Variants in NFIB observed in about 807,000 individuals in gnomAD.
NFIB encodes the protein nuclear factor 1 B-type.
NFIB carries 11 observed loss-of-function variants against 61.5 expected under a neutral mutation model. The ratio of observed to expected loss-of-function variants is 0.18; its 90% CI spans 0.11 to 0.30. The LOEUF is 0.30. NFIB is among the 10% of genes least tolerant of loss of function. The pLI is 1.00. For synonymous variants in NFIB, 260 were observed against 216.5 expected (o/e 1.20, Z -1.76); for missense variants, 471 against 608.9 (o/e 0.77, Z 2.38).
intron 1 of NFIB, among the ~76,000 whole-genome samples, chr9:14,392,362 G>A (rs1475777013): frequency 6.6e-6 from 1 of 152,228 alleles, no homozygotes; most frequent in Non-Finnish European, 1.5e-5. Context: ...CAGGACAACA[G>A]AGTGGAGGGT....
chr9:14,302,598 G>A (rs1462943623), intron 2 of NFIB, among the ~76,000 whole-genome samples: 3 of 152,138 alleles, frequency 2.0e-5, no homozygotes, highest in Non-Finnish European at 4.4e-5. Flanking sequence ...AAATCAGTTA[G>A]GGTGACTCAT....
chr9:14,093,835 A>G (rs1347884347), intron 10 of NFIB, among the ~76,000 whole-genome samples: 1 of 152,112 alleles, frequency 6.6e-6, no homozygotes, highest in Non-Finnish European at 1.5e-5. Context: ...TGTGAAAAAA[A>G]TGCTCGCTCA....
intron 3 of NFIB, among the ~76,000 whole-genome samples, chr9:14,158,699 T>A (rs1260280312): frequency 6.6e-6 from 1 of 152,250 alleles, no homozygotes; most frequent in Non-Finnish European, 1.5e-5. Context: ...GATTTATGGA[T>A]AATTATACTA....
intron 2 of NFIB, among the ~76,000 whole-genome samples, chr9:14,207,506 T>C (rs1019114848): frequency 1.3e-5 from 2 of 152,192 alleles, no homozygotes; most frequent in Non-Finnish European, 2.9e-5. Context: ...ATGCCACAAA[T>C]TGAGGACTAA....
At chr9:14,450,497 T>C in the NFIB span, among the ~76,000 whole-genome samples, 1 of 152,208 alleles carries the variant, frequency 6.6e-6, no homozygotes, top group Non-Finnish European at 1.5e-5. Context: ...GAATAATAGA[T>C]AATTTCAAAA....
intron 1 of NFIB, among the ~76,000 whole-genome samples, chr9:14,352,643 G>C (rs922913616): frequency 3.9e-5 from 6 of 152,200 alleles, no homozygotes; most frequent in African/African-American, 1.4e-4. Flanking sequence ...CCTCAGTGCT[G>C]TTTCTACGCT....
At chr9:14,133,051 T>C (rs2040586773) in intron 6 of NFIB, among the ~76,000 whole-genome samples, 1 of 152,114 alleles carries the variant, frequency 6.6e-6, no homozygotes, top group Non-Finnish European at 1.5e-5. Flanking sequence ...ACACTTAGCT[T>C]AGAGACAGTC....
At chr9:14,131,656 C>T (rs992343924) in intron 6 of NFIB, among the ~76,000 whole-genome samples, 9 of 152,190 alleles carry the variant, frequency 5.9e-5, no homozygotes, top group African/African-American at 1.7e-4. Flanking sequence ...TGTGCAGAAA[C>T]GTGTTTACGT....
chr9:14,217,585 A>C (rs1013957193), intron 2 of NFIB, among the ~76,000 whole-genome samples: 2 of 143,286 alleles, frequency 1.4e-5, no homozygotes, highest in African/African-American at 5.1e-5. Context: ...ACTTGAACCC[A>C]GGAAGTGGAG....
At chr9:14,233,728 A>G (rs972889130) in intron 2 of NFIB, among the ~76,000 whole-genome samples, 1 of 152,096 alleles carries the variant, frequency 6.6e-6, no homozygotes, top group South Asian at 2.1e-4. Flanking sequence ...CTGGGCCCAG[A>G]CTTGTTTTGC....
intron 1 of NFIB, among the ~76,000 whole-genome samples, chr9:14,322,773 C>T (rs948821291): frequency 1.6e-4 from 24 of 151,808 alleles, no homozygotes; most frequent in Admixed American, 1.3e-3. Context: ...GCGCGGCGCC[C>T]CTCTCGAGCG....
At chr9:14,497,307 C>T in the NFIB span, among the ~76,000 whole-genome samples, 22 of 152,198 alleles carry the variant, frequency 1.4e-4, no homozygotes, top group African/African-American at 4.6e-4. Flanking sequence ...GGACAGGTGC[C>T]AAGGGGGCTC....
At chr9:14,466,949 G>A in the NFIB span, among the ~76,000 whole-genome samples, 42,043 of 152,024 alleles carry the variant, frequency 0.28, 6,030 homozygotes, top group African/African-American at 0.34. Context: ...AAGATCTAGA[G>A]TCCCAAAGAT....
At chr9:14,383,914 C>T (rs182272641) in intron 1 of NFIB, among the ~76,000 whole-genome samples, 24 of 152,318 alleles carry the variant, frequency 1.6e-4, no homozygotes, top group African/African-American at 5.1e-4. Context: ...CATGGAAGAG[C>T]GCTTTAAATA....
chr9:14,378,506 G>A (rs536886338), intron 1 of NFIB, among the ~76,000 whole-genome samples: 104 of 152,214 alleles, frequency 6.8e-4, no homozygotes, highest in African/African-American at 2.2e-3. Context: ...ATAGGCACGC[G>A]CCACCACGCC....
At position 14,182,012 on chromosome 9, in the gene NFIB, G is replaced by T. The variant is rs184121876; in HGVS notation, c.563-2232C>A. Among the ~76,000 whole-genome samples, 653 of 152,290 alleles carry T rather than the reference G, an allele frequency of 4.3e-3. 4 individuals are homozygous for T. The highest frequency in any genetic ancestry group is 0.017 in the Middle Eastern group (5 of 294). The stretch of plus-strand genomic sequence containing the variant: ...TAAAATTTGGGTCCAGCAGAGAAAA[G>T]AATGAAAAGTCTCTTCCATTCGTAA... On this transcript the variant is annotated intron_variant, in intron 2 of 10. Coordinates refer to ENST00000380953, the MANE Select transcript of NFIB (RefSeq NM_001190737.2).
intron 2 of NFIB, among the ~76,000 whole-genome samples, chr9:14,205,330 T>A: frequency 7.1e-6 from 1 of 140,042 alleles, no homozygotes. Flanking sequence ...GAGGAAATGA[T>A]GGAGACACTG....
chr9:14,389,058 C>G (rs1315248519), intron 1 of NFIB, among the ~76,000 whole-genome samples: 1 of 152,166 alleles, frequency 6.6e-6, no homozygotes, highest in Non-Finnish European at 1.5e-5. Context: ...AGCTTTGGAT[C>G]AAGAACTGCA....
the NFIB span, among the ~76,000 whole-genome samples, chr9:14,404,500 T>G: frequency 6.6e-6 from 1 of 152,178 alleles, no homozygotes; most frequent in Non-Finnish European, 1.5e-5. Context: ...AGCTTGCCAT[T>G]GTTGCTGAAA....
Sources: allele counts gnomAD v4.1 joint callset (sites outside exome capture counted in the v4.1 genomes callset), GRCh38; gene constraint gnomAD v4.1.1; transcripts MANE v1.5; gene names NCBI Gene and HGNC (gene_info 2026-07-23, HGNC 2026-07-21).